The following ABCA8 variants were observed in gnomAD, a reference collection of about 807,000 sequenced individuals.
ABCA8 encodes ABC-type organic anion transporter ABCA8.
In ABCA8, 177 loss-of-function variants were observed where a neutral mutation model predicts 192.3. The ratio of observed to expected loss-of-function variants is 0.92; its 90% CI spans 0.81 to 1.04. ABCA8 has a LOEUF of 1.04. Among genes scored for constraint, ABCA8 ranks in the 50% least tolerant of loss-of-function variants. ABCA8 has a pLI of 0.00. For synonymous variants in ABCA8, 642 were observed against 690.2 expected, an observed-to-expected ratio of 0.93 and a Z score of 1.09; for missense variants, 1,915 against 1,904.8, an observed-to-expected ratio of 1.01 and a Z score of -0.10.
At chr17:68,939,256 G>A (rs967062698) in intron 4 of ABCA8, among the ~76,000 whole-genome samples, 4 of 152,144 alleles carry the variant, frequency 2.6e-5, no homozygotes, top group African/African-American at 9.7e-5. Flanking sequence ...TGCATTTATA[G>A]TTGTAAAGGA....
intron 10 of ABCA8, among the ~76,000 whole-genome samples, chr17:68,925,209 G>T (rs1323253206): frequency 6.6e-6 from 1 of 152,046 alleles, no homozygotes; most frequent in East Asian, 1.9e-4. Context: ...AAGACCAGGT[G>T]TCATTACATA....
intron 23 of ABCA8, among the ~76,000 whole-genome samples, chr17:68,891,801 G>T (rs1033635452): frequency 2.6e-5 from 4 of 152,130 alleles, no homozygotes; most frequent in Non-Finnish European, 2.9e-5. Context: ...TTGAAAAGAT[G>T]AATGCACTGA....
At chr17:68,876,317 A>G (rs1475276272) in intron 35 of ABCA8, 143 bp downstream of exon 35, 2 of 867,876 alleles carry the variant, frequency 2.3e-6, no homozygotes, top group Admixed American at 2.9e-5. Context: ...TTTTTTTTGC[A>G]AAGTATTGGT....
Position 68,875,808 on chromosome 17 carries a change from T to C in ABCA8, c.4371-75A>G. ...AGAAAGAGATAGAGAAAAGAATTTT[T>C]AACTGGCATGCGTGTGAATAATTAG... On this transcript the variant is annotated intron_variant, in intron 35 of 39. Coordinates refer to ENST00000586539, the MANE Select transcript of ABCA8 (RefSeq NM_001288985.2). 4 of 1,502,452 alleles carry C rather than the reference T, an allele frequency of 2.7e-6. 1 individual carries two copies. Among genetic ancestry groups the C allele is most frequent in the South Asian group, 2.6e-5 (2 of 76,600 alleles). The allele number at this position is 1,502,452 out of a possible 1,614,324, so 93.1% of individuals were successfully genotyped here. A position where few individuals can be genotyped will look rare whatever the true frequency, so the allele number is the denominator to read the frequency against.
intron 11 of ABCA8, among the ~76,000 whole-genome samples, chr17:68,923,658 G>A (rs550412846): frequency 6.6e-6 from 1 of 152,202 alleles, no homozygotes; most frequent in African/African-American, 2.4e-5. Context: ...TGCTCTGCTA[G>A]AGTAAACCTA....
intron 23 of ABCA8, 98 bp from the exon 24 acceptor site, chr17:68,891,694 T>C (rs896957909): frequency 2.3e-6 from 2 of 854,836 alleles, no homozygotes; most frequent in African/African-American, 3.4e-5. Context: ...TACATAATTC[T>C]GCCTTAGGTC....
chr17:68,939,361 G>A (rs1037898189), intron 4 of ABCA8, among the ~76,000 whole-genome samples: 2 of 151,828 alleles, frequency 1.3e-5, no homozygotes, highest in African/African-American at 2.4e-5. Context: ...CACATATCCT[G>A]TGGTTTCAAT....
intron 4 of ABCA8, among the ~76,000 whole-genome samples, chr17:68,939,713 A>G (rs553408342): frequency 1.3e-5 from 2 of 152,076 alleles, no homozygotes; most frequent in South Asian, 2.1e-4. Context: ...TTGCATTAAT[A>G]CTCTGCTCTT....
chr17:68,880,598 G>A (rs1239392339), intron 32 of ABCA8, among the ~76,000 whole-genome samples: 2 of 152,172 alleles, frequency 1.3e-5, no homozygotes, highest in Non-Finnish European at 2.9e-5. Flanking sequence ...AAGCTTCTGG[G>A]TGCCACCACA....
rs1598168766 is a variant in ABCA8 at position 68,868,349 on chromosome 17, C to G, written c.4719G>C (p.Gln1573His). 1 of 1,613,528 alleles carries G rather than the reference C, an allele frequency of 6.2e-7. No homozygotes were observed. The highest frequency in any genetic ancestry group is 2.2e-5 in the East Asian group (1 of 44,874). Reference protein sequence around the residue: ...QAFFKLEKVKQSFDLEEYSLS... With the variant: ...QAFFKLEKVKHSFDLEEYSLS... The stretch of plus-strand genomic sequence containing the variant: ...GGCTGTACTCCTCTAGGTCAAAGCT[C>G]TGTTTAACTGCATAGGGATGAACAT... The change falls in exon 39 of 40, where the codon CAG (glutamine) becomes CAC (histidine). Residue 1573 changes from glutamine to histidine, a missense_variant. By Grantham distance (24) the Gln-to-His change is conservative. Coordinates refer to ENST00000586539, the MANE Select transcript of ABCA8 (RefSeq NM_001288985.2).
At chr17:68,904,537 AGAAAAAG>A (rs1249867333) in intron 19 of ABCA8, among the ~76,000 whole-genome samples, 1 of 152,148 alleles carries the variant, frequency 6.6e-6, no homozygotes, top group African/African-American at 2.4e-5. Flanking sequence ...GGGACATGGC[AGAAAAAG>A]GAAAAAGGAG....
In ABCA8 at chr17:68,929,041, C is replaced by A; in HGVS notation, c.1125+8G>T. Reference sequence around the variant, plus strand: ...ATGCCATTAATAGACATTCAGATGGCATCTCACCTGGGCCATTCCAAGCAT... The same window carrying A: ...ATGCCATTAATAGACATTCAGATGGAATCTCACCTGGGCCATTCCAAGCAT... On this transcript the variant is annotated splice_region_variant and intron_variant, in intron 9 of 39. Transcript: ENST00000586539. The A allele has an allele frequency of 1.3e-6, 2 of 1,481,786 alleles. No homozygotes were observed. The highest frequency in any genetic ancestry group is 1.4e-5 in the African/African-American group (1 of 71,254). 91.8% of individuals were successfully genotyped at this position (1,481,786 alleles called of 1,614,324 possible). A position where few individuals can be genotyped will look rare whatever the true frequency, so the allele number is the denominator to read the frequency against.
At chr17:68,933,399 A>G (rs552264580) in intron 5 of ABCA8, 128 bp from the exon 6 acceptor site, 1 of 601,256 alleles carries the variant, frequency 1.7e-6, no homozygotes, top group Non-Finnish European at 2.9e-6. Context: ...TCTTATTTTG[A>G]CTCAAAGCTT....
intron 23 of ABCA8, among the ~76,000 whole-genome samples, chr17:68,893,618 T>C (rs1421310742): frequency 6.6e-6 from 1 of 151,732 alleles, no homozygotes; most frequent in Non-Finnish European, 1.5e-5. Context: ...ATTCCTTCCT[T>C]CCTTCCTTCA....
In ABCA8 at chr17:68,885,331, A is replaced by G. The variant is rs1334618678; in HGVS notation, c.3430-16T>C. 1.3e-6 allele frequency: 2 copies of G among 1,599,400 alleles called. No individual in the cohort carries two copies. Among genetic ancestry groups the G allele is most frequent in the Non-Finnish European group, 1.7e-6 (2 of 1,174,266 alleles). On this transcript the variant is annotated splice_polypyrimidine_tract_variant and intron_variant, in intron 26 of 39. Transcript: ENST00000586539. ...ATACAGTGACCTAAAAGAAGCAAAT[A>G]TGAAGGTTAATCACTCTGAATTTCA... is the stretch of plus-strand genomic sequence containing the variant.
In ABCA8 at chr17:68,868,093, C is replaced by T. The variant is rs765119957; in HGVS notation, c.4858G>A (p.Glu1620Lys). ...ACACAGAATTTGGGGTTTTAAGGCT[C>T]TTCCTGGGGGAGGAGCTTCCACTTC... ...SVKWKLLPQE[E>K]P Residue 1620 changes from glutamate (E) to lysine (K), a missense_variant, in exon 40 of 40, where the codon GAG becomes AAG. Transcript: ENST00000586539. 3 of 1,609,872 alleles carry T rather than the reference C, an allele frequency of 1.9e-6. No homozygotes were observed. The highest frequency in any genetic ancestry group is 2.5e-6 in the Non-Finnish European group (3 of 1,178,604).
Position 68,929,715 on chromosome 17 carries a change from C to A in ABCA8, c.798-13G>T. On this transcript the variant is annotated splice_polypyrimidine_tract_variant and intron_variant, in intron 7 of 39. Coordinates refer to ENST00000586539, the MANE Select transcript of ABCA8 (RefSeq NM_001288985.2). ...ACCCCAGGAGAGCCTAATGTGGAAA[C>A]AAAATGTTATTTTAGTATTTTATGT... The A allele has an allele frequency of 6.3e-7, 1 of 1,585,202 alleles. No homozygotes were observed. Among genetic ancestry groups the A allele is most frequent in the Non-Finnish European group, 8.5e-7 (1 of 1,169,862 alleles).
At chr17:68,900,323 C>T (rs979509059) in intron 21 of ABCA8, among the ~76,000 whole-genome samples, 3 of 151,768 alleles carry the variant, frequency 2.0e-5, no homozygotes, top group Non-Finnish European at 4.4e-5. Context: ...TGTGTAACAA[C>T]AAATTAGATA....
chr17:68,907,781 AG>A lies in ABCA8; in HGVS notation c.2236del (p.Ile747PhefsTer6). The A allele has an allele frequency of 1.9e-6, 3 of 1,608,690 alleles. No individual in the cohort carries two copies. Among genetic ancestry groups the A allele is most frequent in the Non-Finnish European group, 2.5e-6 (3 of 1,177,754 alleles). Reference protein sequence around the residue: ...AKLSAKSEGKLIYTLPLERTN... With the variant: ...AKLSAKSEGKXIYTLPLERTN... Reference sequence around the variant, plus strand: ...TCTTTCTAAGGGTAATGTATAAATAAGTTTTCCTTCGCTTTTGGCTGATAAT... The same window carrying A: ...TCTTTCTAAGGGTAATGTATAAATAATTTTCCTTCGCTTTTGGCTGATAAT... On this transcript the variant is annotated frameshift_variant, in exon 18 of 40. Coordinates refer to ENST00000586539, the MANE Select transcript of ABCA8 (RefSeq NM_001288985.2). LOFTEE classifies it high-confidence loss of function.
Sources: allele counts gnomAD v4.1 joint callset (sites outside exome capture counted in the v4.1 genomes callset), GRCh38; gene constraint gnomAD v4.1.1; transcripts MANE v1.5; gene names NCBI Gene and HGNC (gene_info 2026-07-23, HGNC 2026-07-21).